The following CTNNA3 variants were observed in gnomAD, a reference collection of about 807,000 sequenced individuals.
CTNNA3 encodes the protein catenin alpha 3.
In CTNNA3, 76 loss-of-function variants were observed where a neutral mutation model predicts 95.7. The observed-to-expected ratio is 0.79, with a 90% CI of 0.66 to 0.96. CTNNA3 has a LOEUF of 0.96. Ranked by LOEUF, CTNNA3 falls within the 40% of genes least tolerant of loss-of-function variation. The pLI is 0.00. For synonymous variants in CTNNA3, 431 were observed against 374.4 expected, an observed-to-expected ratio of 1.15 and a Z score of -1.74; for missense variants, 1,191 against 1,089.8, an observed-to-expected ratio of 1.09 and a Z score of -1.31.
intron 12 of CTNNA3, among the ~76,000 whole-genome samples, chr10:66,367,862 AATAATAATAATAATAATAATTATTATT>A (rs2092721863): frequency 7.2e-5 from 3 of 41,558 alleles, no homozygotes; most frequent in Middle Eastern, 9.6e-3. Context: ...TAATAATAAT[AATAATAATAATAATAATAATTATTATT>A]ATTATTATTA....
chr10:66,772,403 C>T (rs1350285819), intron 8 of CTNNA3, among the ~76,000 whole-genome samples: 8 of 140,638 alleles, frequency 5.7e-5, no homozygotes, highest in South Asian at 2.3e-4. Context: ...CCAGCCTGGG[C>T]GGTACAGTGA....
intron 7 of CTNNA3, among the ~76,000 whole-genome samples, chr10:66,921,860 A>T (rs929438920): frequency 6.6e-6 from 1 of 152,196 alleles, no homozygotes; most frequent in African/African-American, 2.4e-5. Flanking sequence ...TTGCACACAG[A>T]TGTATTCCCA....
chr10:66,913,262 A>AAAG (rs1564762083), intron 7 of CTNNA3, among the ~76,000 whole-genome samples: 7 of 145,844 alleles, frequency 4.8e-5, no homozygotes, highest in African/African-American at 1.7e-4. Flanking sequence ...AAAAAAAAAA[A>AAAG]AAAGAAAAAG....
At chr10:66,372,365 ATC>A (rs1385928654) in intron 12 of CTNNA3, among the ~76,000 whole-genome samples, 6 of 152,170 alleles carry the variant, frequency 3.9e-5, no homozygotes, top group Non-Finnish European at 8.8e-5. Flanking sequence ...TCTAGATGAT[ATC>A]TTGTTTCCCA....
At chr10:66,311,362 C>T (rs949648958) in intron 12 of CTNNA3, among the ~76,000 whole-genome samples, 6 of 152,196 alleles carry the variant, frequency 3.9e-5, no homozygotes, top group Admixed American at 3.9e-4. Context: ...GAGAGAATCA[C>T]ACCCAGGTGT....
chr10:66,456,523 A>C (rs1445318418), intron 11 of CTNNA3, among the ~76,000 whole-genome samples: 1 of 152,032 alleles, frequency 6.6e-6, no homozygotes, highest in Non-Finnish European at 1.5e-5. Context: ...TCTACTAAGA[A>C]AAATTAGCTG....
At chr10:65,966,569 G>T in intron 17 of CTNNA3, 43 bp downstream of exon 17, 1 of 1,544,072 alleles carries the variant, frequency 6.5e-7, no homozygotes, top group Non-Finnish European at 8.8e-7. Context: ...TCTGTTTCAA[G>T]CATCTTCCAC....
At chr10:66,745,676 A>G (rs1240376440) in intron 9 of CTNNA3, among the ~76,000 whole-genome samples, 5 of 122,478 alleles carry the variant, frequency 4.1e-5, no homozygotes, top group Admixed American at 1.0e-4. Flanking sequence ...TGCAAGCTCC[A>G]CCTCCTGGGT....
chr10:66,919,325 C>T (rs986978614), intron 7 of CTNNA3, among the ~76,000 whole-genome samples: 10 of 151,948 alleles, frequency 6.6e-5, no homozygotes, highest in African/African-American at 2.4e-4. Flanking sequence ...TTTACCTTTC[C>T]TACTGAAAGG....
chr10:67,118,775 C>A (rs546269262), intron 7 of CTNNA3, among the ~76,000 whole-genome samples: 1 of 151,968 alleles, frequency 6.6e-6, no homozygotes, highest in Admixed American at 6.6e-5. Context: ...ATGAACTAAG[C>A]ATTTCTCAAT....
rs142149283 is a variant in CTNNA3, at chr10:67,396,165, T to C, written c.579+125677A>G. Among the ~76,000 whole-genome samples the C allele has an allele frequency of 2.0e-5, 3 of 152,226 alleles. No homozygotes were observed. In the East Asian group the frequency reaches 5.8e-4, roughly 29 times the overall value. ...GAAAGCAAATAACAACATCAACTTG[T>C]AAACATCAATTATTCAGAAAGGAAA... On this transcript the variant is annotated intron_variant, in intron 5 of 17. Coordinates refer to ENST00000433211, the MANE Select transcript of CTNNA3 (RefSeq NM_013266.4).
intron 5 of CTNNA3, among the ~76,000 whole-genome samples, chr10:67,348,080 G>T (rs1842500260): frequency 6.6e-6 from 1 of 152,000 alleles, no homozygotes; most frequent in African/African-American, 2.4e-5. Context: ...TTCAACAAAT[G>T]GTGTAAAAAC....
chr10:67,677,361 G>A (rs189123340), intron 1 of CTNNA3, among the ~76,000 whole-genome samples: 96 of 152,104 alleles, frequency 6.3e-4, no homozygotes, highest in African/African-American at 1.8e-3. Context: ...ACTTACACAC[G>A]CACGCATGCA....
intron 5 of CTNNA3, among the ~76,000 whole-genome samples, chr10:67,518,892 G>A (rs1194601180): frequency 2.0e-5 from 3 of 152,054 alleles, no homozygotes; most frequent in African/African-American, 7.2e-5. Context: ...CCTGCCTTTC[G>A]ATAGTAAGAA....
Position 66,425,426 on chromosome 10 carries a change from T to C in CTNNA3, c.1532-46074A>G, listed in dbSNP as rs577245689. Among the ~76,000 whole-genome samples, 1,071 of 152,058 alleles carry C rather than the reference T, an allele frequency of 7.0e-3. 11 individuals are homozygous for C. The highest frequency in any genetic ancestry group is 0.025 in the African/African-American group (1,020 of 41,536). On this transcript the variant is annotated intron_variant, in intron 11 of 17. Coordinates refer to ENST00000433211, the MANE Select transcript of CTNNA3 (RefSeq NM_013266.4). ...GGGAGGATCTTATTTCTTGCTTTTT[T>C]GATTTTCATGTGCTCTCTTTTTTCC...
intron 11 of CTNNA3, among the ~76,000 whole-genome samples, chr10:66,481,366 C>T (rs1478804884): frequency 6.6e-6 from 1 of 151,580 alleles, no homozygotes; most frequent in Non-Finnish European, 1.5e-5. Context: ...ATTATTCATC[C>T]ATTCATTCAA....
chr10:67,579,006 T>TAA (rs1278518277), intron 3 of CTNNA3, among the ~76,000 whole-genome samples: 20 of 66,676 alleles, frequency 3.0e-4, no homozygotes, highest in Admixed American at 1.7e-3. Context: ...GATATATATA[T>TAA]ATATATATAT....
rs1025049297 is a variant in CTNNA3, at chr10:66,901,193, T to C, written c.1048-125669A>G. ...ACAGCGGATCTCTCAGCAGAAACTCTACAAGCCAGAAGAGAGTGGGGGCCA... is the reference window on the plus strand; with the variant it reads ...ACAGCGGATCTCTCAGCAGAAACTCCACAAGCCAGAAGAGAGTGGGGGCCA... On this transcript the variant is annotated intron_variant, in intron 7 of 17. Coordinates refer to ENST00000433211, the MANE Select transcript of CTNNA3 (RefSeq NM_013266.4). 6.6e-5 allele frequency among the ~76,000 whole-genome samples: 10 copies of C among 152,184 alleles called. No homozygotes were observed. The South Asian group carries it at 1.9e-3, about 28-fold the overall frequency.
At chr10:66,053,465 G>C (rs913784062) in intron 15 of CTNNA3, among the ~76,000 whole-genome samples, 1 of 151,956 alleles carries the variant, frequency 6.6e-6, no homozygotes, top group East Asian at 1.9e-4. Context: ...GCATCATGGA[G>C]CATGGGGTAT....
Sources: allele counts gnomAD v4.1 joint callset (sites outside exome capture counted in the v4.1 genomes callset), GRCh38; gene constraint gnomAD v4.1.1; transcripts MANE v1.5; gene names NCBI Gene and HGNC (gene_info 2026-07-23, HGNC 2026-07-21).